Variants in INPP5J observed in about 807,000 individuals in gnomAD.
INPP5J encodes phosphatidylinositol 4,5-bisphosphate 5-phosphatase A.
Under a neutral mutation model 86.6 loss-of-function variants are expected in INPP5J, and 75 were observed. The observed-to-expected ratio is 0.87, with a 90% CI of 0.72 to 1.05. The LOEUF (loss-of-function observed/expected upper bound fraction) is 1.05, where lower values mean the gene tolerates loss of function less well. Ranked by LOEUF, INPP5J falls within the 50% of genes least tolerant of loss-of-function variation. INPP5J has a pLI of 0.00. For synonymous variants in INPP5J, 540 were observed against 550.0 expected (o/e 0.98, Z 0.25); for missense variants, 1,229 against 1,341.2 (o/e 0.92, Z 1.31).
In INPP5J at chr22:31,133,434, T is replaced by C. The variant is rs1297416237; in HGVS notation, c.2360T>C (p.Val787Ala). 6.2e-7 allele frequency: 1 copy of C among 1,613,908 alleles called. No homozygotes were observed. Among genetic ancestry groups the C allele is most frequent in the Admixed American group, 1.7e-5 (1 of 60,014 alleles). ...RVGFRHCKDY[V>A]AYVWAKHEDV... ...GGTTTCCGCCATTGCAAGGACTATG[T>C]GGCTTATGTCTGGGCCAAACATGAA... is the stretch of plus-strand genomic sequence containing the variant. Residue 787 changes from valine to alanine, a missense_variant, in exon 11 of 13, where the codon GTG becomes GCG. By Grantham distance (64) the Val-to-Ala change is moderately conservative. Coordinates refer to ENST00000331075, the MANE Select transcript of INPP5J (RefSeq NM_001284285.2).
chr22:31,134,434 GA>G lies in INPP5J; in HGVS notation c.*16del. On this transcript the variant is annotated 3_prime_UTR_variant, in exon 13 of 13. Transcript: ENST00000331075. The stretch of plus-strand genomic sequence containing the variant: ...TGGGGCCCTGAGGGTGGGGTAGGCA[GA>G]TGGGCCAAGGTGACCACCATTCTGC... 6.9e-7 allele frequency: 1 copy of G among 1,446,302 alleles called. No homozygotes were observed. Among genetic ancestry groups the G allele is most frequent in the Non-Finnish European group, 9.1e-7 (1 of 1,099,656 alleles). The allele number at this position is 1,446,302 out of a possible 1,614,324, so 89.6% of individuals were successfully genotyped here.
rs1921484578 is a variant in INPP5J, at chr22:31,126,694, T to C, written c.1467T>C (p.Asp489=). 6.2e-7 allele frequency: 1 copy of C among 1,613,866 alleles called. No individual in the cohort carries two copies. The highest frequency in any genetic ancestry group is 8.5e-7 in the Non-Finnish European group (1 of 1,179,778). ...ACCAGTGGAGTGAGCTGTTCATGGA[T>C]GCGCTAGGGCCCTTCAACTTCGTGC... ...FTDQWSELFM[D]ALGPFNFVLV... The change falls in exon 4 of 13, where the codon GAT becomes GAC. Residue 489 remains aspartate, a synonymous_variant. Coordinates refer to ENST00000331075, the MANE Select transcript of INPP5J (RefSeq NM_001284285.2).
chr22:31,128,322 A>C lies in INPP5J; in HGVS notation c.2008A>C (p.Ser670Arg). The part of the protein sequence containing the change: ...FDVGTNKYDT[S>R]AKKRKPAWTD... ...TGTGGGTACCAACAAATACGATACC[A>C]GGTGAGCTCAGTCCGAGGAGGGACT... Residue 670 changes from serine (S) to arginine (R), a missense_variant and splice_region_variant, in exon 8 of 13, where the codon AGT becomes CGT. Ser to Arg is a moderately radical substitution (Grantham distance 110, BLOSUM62 -1). Coordinates refer to ENST00000331075, the MANE Select transcript of INPP5J (RefSeq NM_001284285.2). 1 of 1,588,740 alleles carries C rather than the reference A, an allele frequency of 6.3e-7. No homozygotes were observed. The highest frequency in any genetic ancestry group is 1.1e-5 in the South Asian group (1 of 87,814).
Position 31,123,057 on chromosome 22 carries a change from C to T in INPP5J, c.43C>T (p.Arg15Trp), listed in dbSNP as rs769490815. The T allele has an allele frequency of 1.3e-5, 19 of 1,480,224 alleles. No homozygotes were observed. The East Asian group carries it at 2.3e-4, about 18-fold the overall frequency. The allele number at this position is 1,480,224 out of a possible 1,614,324, so 91.7% of individuals were successfully genotyped here. Residue 15 changes from arginine (R) to tryptophan (W), a missense_variant, in exon 1 of 13, where the codon CGG becomes TGG. Coordinates refer to ENST00000331075, the MANE Select transcript of INPP5J (RefSeq NM_001284285.2). The stretch of plus-strand genomic sequence containing the variant: ...CAGGGGCAGCAGGAGGCCAGGGACC[C>T]GGGCTGGCCTGGGTTCCCTGCCCAT... ...SSRGSRRPGT[R>W]AGLGSLPMPQ...
At chr22:31,127,157 C>A in intron 5 of INPP5J, 120 bp downstream of exon 5, 1 of 822,198 alleles carries the variant, frequency 1.2e-6, no homozygotes, top group Non-Finnish European at 1.9e-6. Context: ...TGCGGCCCAG[C>A]CCCCCCATGC....
In INPP5J at chr22:31,133,233, C is replaced by T. The variant is rs766488330; in HGVS notation, c.2329C>T (p.Arg777Trp). Reference protein sequence around the residue: ...RSSWDWIGLYRVGFRHCKDYV... With the variant: ...RSSWDWIGLYWVGFRHCKDYV... ...CTCCTGGGACTGGATCGGCTTATAC[C>T]GGGTGAGAGGGGCAGTGGTGGTCAG... Residue 777 changes from arginine to tryptophan, a missense_variant and splice_region_variant, in exon 10 of 13, where the codon CGG becomes TGG. Coordinates refer to ENST00000331075, the MANE Select transcript of INPP5J (RefSeq NM_001284285.2). 13 of 1,606,220 alleles carry T rather than the reference C, an allele frequency of 8.1e-6. No individual in the cohort carries two copies. The East Asian group carries it at 1.1e-4, about 14-fold the overall frequency.
Position 31,125,567 on chromosome 22 carries a change from G to A in INPP5J, c.828G>A (p.Arg276=). ...GCATCCAAACCTCCCCAGACCCTCG[G>A]CTCTCCCCCTCCTTCCGAGCCCGGC... ...PPCIQTSPDP[R]LSPSFRARPE... is the part of the protein sequence containing the mutation. Residue 276 remains arginine (R), a synonymous_variant, in exon 2 of 13, where the codon CGG becomes CGA. Coordinates refer to ENST00000331075, the MANE Select transcript of INPP5J (RefSeq NM_001284285.2). The A allele has an allele frequency of 6.5e-7, 1 of 1,550,366 alleles. No individual in the cohort carries two copies. Among genetic ancestry groups the A allele is most frequent in the Non-Finnish European group, 8.7e-7 (1 of 1,146,946 alleles).
Position 31,134,689 on chromosome 22 carries a change from C to G in INPP5J, c.*270C>G, listed in dbSNP as rs1922437857. The stretch of plus-strand genomic sequence containing the variant: ...GGTCATCCATTAGGAATTAAATTCT[C>G]CAGCCTCACTCTCGGCTCTTTCCTA... On this transcript the variant is annotated 3_prime_UTR_variant, in exon 13 of 13. Transcript: ENST00000331075. The G allele has an allele frequency of 2.6e-6, 1 of 388,360 alleles. No homozygotes were observed. The highest frequency in any genetic ancestry group is 4.6e-6 in the Non-Finnish European group (1 of 219,626). The allele number at this position is 388,360 out of a possible 1,614,324, so 24.1% of individuals were successfully genotyped here.
chr22:31,123,181 CA>C, intron 1 of INPP5J, 62 bp downstream of exon 1: 1 of 1,014,482 alleles, frequency 9.9e-7, no homozygotes, highest in South Asian at 2.0e-5. Context: ...ACACCCCCCC[CA>C]CATACACTGC....
chr22:31,127,381 C>A lies in INPP5J; in HGVS notation c.1636C>A (p.Arg546Ser). 6.2e-7 allele frequency: 1 copy of A among 1,612,638 alleles called. No homozygotes were observed. Among genetic ancestry groups the A allele is most frequent in the Non-Finnish European group, 8.5e-7 (1 of 1,179,260 alleles). ...GGGTAACAAGGGTGGCGTGAGCGTG[C>A]GCCTGGCGGCCTTCGGGCACATGCT... ...YWGNKGGVSV[R>S]LAAFGHMLCF... The change falls in exon 6 of 13, where the codon CGC (arginine) becomes AGC (serine). Residue 546 changes from arginine to serine, a missense_variant. Arg to Ser is a moderately radical substitution (Grantham distance 110). Transcript: ENST00000331075.
rs1275042091 is a variant in INPP5J, at chr22:31,127,029, G to C, written c.1603G>C (p.Gly535Arg). 1 of 1,595,824 alleles carries C rather than the reference G, an allele frequency of 6.3e-7. No individual in the cohort carries two copies. Among genetic ancestry groups the C allele is most frequent in the South Asian group, 1.1e-5 (1 of 88,516 alleles). The change falls in exon 5 of 13, where the codon GGC (glycine) becomes CGC (arginine). Residue 535 changes from glycine (G) to arginine (R), a missense_variant. By Grantham distance (125) the Gly-to-Arg change is moderately radical. Transcript: ENST00000331075. ...CGACTGCACGCGCACTGGCCTGGGCGGCTACTGGGTGAGCCTGTGAGCAGG... is the reference window on the plus strand; with the variant it reads ...CGACTGCACGCGCACTGGCCTGGGCCGCTACTGGGTGAGCCTGTGAGCAGG... ...QTDCTRTGLG[G>R]YWGNKGGVSV... is the part of the protein sequence containing the mutation.
At chr22:31,131,642 G>A (rs1474528856) in intron 9 of INPP5J, among the ~76,000 whole-genome samples, 4 of 151,900 alleles carry the variant, frequency 2.6e-5, no homozygotes, top group Admixed American at 6.6e-5. Context: ...TCATCCTTTT[G>A]AATGCCTCAG....
rs765407701 is a variant in INPP5J at position 31,127,940 on chromosome 22, A to AC, written c.1788-7dup. The AC allele has an allele frequency of 1.1e-6, 1 of 880,932 alleles. No individual in the cohort carries two copies. Among genetic ancestry groups the AC allele is most frequent in the Non-Finnish European group, 1.5e-6 (1 of 685,064 alleles). 54.6% of individuals were successfully genotyped at this position (880,932 alleles called of 1,614,324 possible). ...GCCCCCCACATCTCTCCCATCCCCC[A>AC]CCCCAAACAGCCTCGTGTTCTGGTT... On this transcript the variant is annotated splice_polypyrimidine_tract_variant and intron_variant, in intron 6 of 12. Transcript: ENST00000331075.
intron 10 of INPP5J, 69 bp from the exon 11 acceptor site, chr22:31,133,337 A>C: frequency 6.3e-7 from 1 of 1,590,670 alleles, no homozygotes; most frequent in Non-Finnish European, 8.6e-7. Flanking sequence ...TCTTGATGCC[A>C]CACTGGGAGA....
intron 2 of INPP5J, 41 bp from the exon 3 acceptor site, chr22:31,126,335 A>G (rs746572526): frequency 1.4e-6 from 2 of 1,448,598 alleles, no homozygotes; most frequent in South Asian, 2.3e-5. Context: ...AGGGTGAGGG[A>G]GTGGTGCCAG....
At chr22:31,130,124 AT>A (rs1430327429) in intron 9 of INPP5J, among the ~76,000 whole-genome samples, 1 of 151,652 alleles carries the variant, frequency 6.6e-6, no homozygotes, top group Admixed American at 6.6e-5. Context: ...GGCGGATCAC[AT>A]GAGGCCAGGA....
intron 2 of INPP5J, 94 bp downstream of exon 2, chr22:31,126,104 C>G: frequency 8.2e-7 from 1 of 1,220,740 alleles, no homozygotes; most frequent in Non-Finnish European, 1.1e-6. Context: ...CTCAGCTTCT[C>G]TCTCTGAGGA....
At position 31,133,960 on chromosome 22, in the gene INPP5J, A is replaced by G. The variant is rs1181413410; in HGVS notation, c.2562A>G (p.Ser854=). 3 of 1,613,374 alleles carry G rather than the reference A, an allele frequency of 1.9e-6. No individual in the cohort carries two copies. Among genetic ancestry groups the G allele is most frequent in the Non-Finnish European group, 1.7e-6 (2 of 1,179,866 alleles). ...SELASSSTDS[S]GTSSEGEDDS... ...TGGCCAGCAGCAGCACAGACAGCTC[A>G]GGCACCAGCTCAGAGGGAGAGGATG... The change falls in exon 13 of 13, where the codon TCA becomes TCG. Residue 854 remains serine, a synonymous_variant. Transcript: ENST00000331075.
In INPP5J at chr22:31,126,303, G is replaced by A. The variant is rs145484028; in HGVS notation, c.1272-73G>A. 12 of 1,265,300 alleles carry A rather than the reference G, an allele frequency of 9.5e-6. No homozygotes were observed. The East Asian group carries it at 2.8e-4, about 29-fold the overall frequency. The allele number at this position is 1,265,300 out of a possible 1,614,324, so 78.4% of individuals were successfully genotyped here. A position where few individuals can be genotyped will look rare whatever the true frequency, so the allele number is the denominator to read the frequency against. On this transcript the variant is annotated intron_variant, in intron 2 of 12. Transcript: ENST00000331075. The stretch of plus-strand genomic sequence containing the variant: ...ACCTGCCTCCATTTAGTTCCCCAGG[G>A]AGTCCTGTGAAAGGAAGCTTGAGGG...
Sources: allele counts gnomAD v4.1 joint callset (sites outside exome capture counted in the v4.1 genomes callset), GRCh38; gene constraint gnomAD v4.1.1; transcripts MANE v1.5; gene names NCBI Gene and HGNC (gene_info 2026-07-23, HGNC 2026-07-21).